Variants in DDX11 observed in about 807,000 individuals in gnomAD.
DDX11 encodes the protein DEAD/H-box helicase 11, also known as ATP-dependent DNA helicase DDX11.
DDX11 carries 72 observed loss-of-function variants against 125.2 expected under a neutral mutation model. That is an observed-to-expected ratio of 0.58 (90% CI 0.48 to 0.70). DDX11 has a LOEUF of 0.70. DDX11 is among the 30% of genes least tolerant of loss of function. The pLI, the probability that DDX11 is intolerant of heterozygous loss-of-function variation, is 0.00. For synonymous variants in DDX11, 347 were observed against 452.6 expected, an observed-to-expected ratio of 0.77 and a Z score of 2.96; for missense variants, 883 against 1,165.0, an observed-to-expected ratio of 0.76 and a Z score of 3.52.
chr12:31,097,738 G>A (rs1945567605), intron 17 of DDX11, 147 bp from the exon 18 acceptor site: 2 of 602,708 alleles, frequency 3.3e-6, no homozygotes, highest in Admixed American at 2.1e-5. Flanking sequence ...TGGGCTGGTT[G>A]TCCTAGAGAT....
At chr12:31,079,668 G>C (rs1438576161) in intron 2 of DDX11, among the ~76,000 whole-genome samples, 4 of 151,950 alleles carry the variant, frequency 2.6e-5, no homozygotes, top group African/African-American at 9.7e-5. Context: ...ATGTTTGTTT[G>C]TTAAGATGGG....
Position 31,091,882 on chromosome 12 carries a change from C to T in DDX11, c.1242+11C>T, listed in dbSNP as rs1432359568. 5 of 1,613,588 alleles carry T rather than the reference C, an allele frequency of 3.1e-6. No homozygotes were observed. The highest frequency in any genetic ancestry group is 2.7e-5 in the African/African-American group (2 of 75,068). ...GTCAGCGGCTCCCAGGTGTGTGGGC[C>T]TCCCCTCCCCGGGCCAGGGCCTGCT... On this transcript the variant is annotated intron_variant, in intron 10 of 26. Transcript: ENST00000542838.
Position 31,102,518 on chromosome 12 carries a change from A to T in DDX11, c.2363A>T (p.Asn788Ile), listed in dbSNP as rs529116570. The T allele has an allele frequency of 6.2e-7, 1 of 1,613,396 alleles. No individual in the cohort carries two copies. Among genetic ancestry groups the T allele is most frequent in the Non-Finnish European group, 8.5e-7 (1 of 1,179,472 alleles). The stretch of plus-strand genomic sequence containing the variant: ...AGTGAAGGGATCAACTTCTCTGACA[A>T]CCTAGGCCGGTAAGTAGTGGTTCTG... The part of the protein sequence containing the change: ...KMSEGINFSD[N>I]LGRCVVMVGM... The change falls in exon 23 of 27, where the codon AAC (asparagine) becomes ATC (isoleucine). Residue 788 changes from asparagine to isoleucine, a missense_variant. Coordinates refer to ENST00000542838, the MANE Select transcript of DDX11 (RefSeq NM_030653.4).
chr12:31,078,309 T>C, intron 1 of DDX11, 81 bp from the exon 2 acceptor site: 1 of 1,610,548 alleles, frequency 6.2e-7, no homozygotes, highest in Non-Finnish European at 8.5e-7. Flanking sequence ...TGGAGACTGC[T>C]CTTAAATAAT....
chr12:31,078,210 C>T (rs1941084123), intron 1 of DDX11, 180 bp from the exon 2 acceptor site: 49 of 1,535,228 alleles, frequency 3.2e-5, no homozygotes, highest in Non-Finnish European at 4.3e-5. Context: ...GTGCGTGATT[C>T]TGGTATGGCC....
At chr12:31,088,542 A>G (rs968913000) in intron 6 of DDX11, among the ~76,000 whole-genome samples, 1 of 152,030 alleles carries the variant, frequency 6.6e-6, no homozygotes, top group African/African-American at 2.4e-5. Context: ...GGTTTCATTG[A>G]TTTATGACTT....
At chr12:31,075,586 AT>A (rs1367577156) in intron 1 of DDX11, among the ~76,000 whole-genome samples, 2 of 152,100 alleles carry the variant, frequency 1.3e-5, no homozygotes, top group Non-Finnish European at 2.9e-5. Context: ...GTTTGAAACC[AT>A]TAAAGAACTG....
rs1706134343 is a variant in DDX11 at position 31,096,865 on chromosome 12, C to T, written c.1637C>T (p.Ala546Val). 6.2e-7 allele frequency: 1 copy of T among 1,614,180 alleles called. No homozygotes were observed. The highest frequency in any genetic ancestry group is 2.2e-5 in the East Asian group (1 of 44,874). ...SLQPRTTEALAAPADESQAST... is the reference protein window; with the variant it reads ...SLQPRTTEALVAPADESQAST... ...CCCGTTCTGCTCTGTGCAGCTCTTG[C>T]AGCCCCTGCAGACGAGAGTCAGGCC... Residue 546 changes from alanine (A) to valine (V), a missense_variant, in exon 17 of 27, where the codon GCA becomes GTA. Coordinates refer to ENST00000542838, the MANE Select transcript of DDX11 (RefSeq NM_030653.4).
intron 23 of DDX11, 116 bp downstream of exon 23, chr12:31,102,643 T>A (rs1946593935): frequency 1.0e-6 from 1 of 957,372 alleles, no homozygotes; most frequent in East Asian, 2.6e-5. Context: ...GGGCTGCGAC[T>A]GCTCAGACCA....
chr12:31,101,906 C>T lies in DDX11; in HGVS notation c.2126C>T (p.Ser709Phe). ...VPGGVVCFFP[S>F]YEYLRQVHAH... ...GGAGGGGTGGTCTGTTTCTTCCCCT[C>T]CTACGAGTACCTGCGCCAGGTCCAT... Residue 709 changes from serine to phenylalanine, a missense_variant, in exon 21 of 27, where the codon TCC becomes TTC. Physicochemically the swap from Ser to Phe is radical, Grantham distance 155. This residue lies in a region of DDX11 where 285 missense variants were observed against 346.0 expected (regional missense o/e 0.82). Coordinates refer to ENST00000542838, the MANE Select transcript of DDX11 (RefSeq NM_030653.4). 1 of 1,613,914 alleles carries T rather than the reference C, an allele frequency of 6.2e-7. No homozygotes were observed. Among genetic ancestry groups the T allele is most frequent in the South Asian group, 1.1e-5 (1 of 91,076 alleles).
intron 2 of DDX11, among the ~76,000 whole-genome samples, chr12:31,080,313 C>T (rs1205247003): frequency 9.2e-5 from 14 of 151,956 alleles, no homozygotes; most frequent in Admixed American, 9.2e-4. Context: ...GGTGGAGAGT[C>T]CCCCTCAGTG....
chr12:31,101,244 AG>A, intron 20 of DDX11, 114 bp downstream of exon 20: 1 of 887,796 alleles, frequency 1.1e-6, no homozygotes, highest in South Asian at 1.4e-5. Context: ...GAAATTGCAC[AG>A]GGACACCCGC....
At position 31,101,040 on chromosome 12, in the gene DDX11, T is replaced by G; in HGVS notation, c.1962T>G (p.Pro654=). 6.2e-7 allele frequency: 1 copy of G among 1,614,060 alleles called. No individual in the cohort carries two copies. Among genetic ancestry groups the G allele is most frequent in the Non-Finnish European group, 8.5e-7 (1 of 1,179,932 alleles). ...GGCTCTTACCAGGTCACGTGATCCC[T>G]CCAGACAACATCCTGCCCCTCGTCA... ...VVEFSCGHVI[P]PDNILPLVIC... The change falls in exon 20 of 27, where the codon CCT becomes CCG. Residue 654 remains proline (P), a synonymous_variant. Transcript: ENST00000542838.
intron 1 of DDX11, among the ~76,000 whole-genome samples, chr12:31,077,536 C>A (rs955297349): frequency 2.0e-5 from 3 of 151,974 alleles, no homozygotes; most frequent in African/African-American, 7.3e-5. Context: ...AAGAAGCAAA[C>A]TAAAGATACT....
intron 8 of DDX11, 46 bp downstream of exon 8, chr12:31,089,536 T>A (rs763818139): frequency 4.4e-6 from 7 of 1,576,590 alleles, no homozygotes; most frequent in Middle Eastern, 1.7e-4. Flanking sequence ...CTGGAGAGAG[T>A]GAGGCAGGGG....
At chr12:31,081,398 C>T (rs1378914335) in intron 2 of DDX11, among the ~76,000 whole-genome samples, 1 of 152,204 alleles carries the variant, frequency 6.6e-6, no homozygotes, top group Non-Finnish European at 1.5e-5. Flanking sequence ...AGGTGCCCCA[C>T]CTTAGCTGCC....
chr12:31,103,113 C>T (rs1382771008), intron 24 of DDX11, 93 bp downstream of exon 24: 79 of 1,489,910 alleles, frequency 5.3e-5, no homozygotes, highest in Non-Finnish European at 6.8e-5. Flanking sequence ...AGGCCTTCCC[C>T]GCTGCGCTGG....
Position 31,103,001 on chromosome 12 carries a change from C to A in DDX11, c.2438C>A (p.Ala813Asp), listed in dbSNP as rs777347696. 1 of 1,613,838 alleles carries A rather than the reference C, an allele frequency of 6.2e-7. No homozygotes were observed. The highest frequency in any genetic ancestry group is 8.5e-7 in the Non-Finnish European group (1 of 1,179,718). ...IRSAELQEKM[A>D]YLDQTLPRAP... ...TCTGCAGAGCTGCAGGAGAAGATGG[C>A]CTACTTGGATCAAACCCTCGTGAGT... is the stretch of plus-strand genomic sequence containing the variant. The change falls in exon 24 of 27, where the codon GCC (alanine) becomes GAC (aspartate). Residue 813 changes from alanine to aspartate, a missense_variant. Coordinates refer to ENST00000542838, the MANE Select transcript of DDX11 (RefSeq NM_030653.4).
chr12:31,086,246 C>T (rs1943124205), intron 5 of DDX11: 2 of 435,780 alleles, frequency 4.6e-6, no homozygotes, highest in Non-Finnish European at 9.2e-6. Context: ...GTCAGCTGCT[C>T]TGTTTTGCTC....
Sources: allele counts gnomAD v4.1 joint callset (sites outside exome capture counted in the v4.1 genomes callset), GRCh38; gene constraint gnomAD v4.1.1; regional missense constraint gnomAD v4.1.1; transcripts MANE v1.5; gene names NCBI Gene and HGNC (gene_info 2026-07-23, HGNC 2026-07-21).